The following CNTN6 variants were observed in gnomAD, a reference collection of about 807,000 sequenced individuals.
CNTN6 encodes contactin 6, also known as contactin-6.
Under a neutral mutation model 122.8 loss-of-function variants are expected in CNTN6, and 137 were observed. That is an observed-to-expected ratio of 1.12 (90% CI 0.97 to 1.29). CNTN6 has a LOEUF of 1.29. Ranked by LOEUF, CNTN6 falls within the 50% of genes most tolerant of loss-of-function variation. The pLI is 0.00. For synonymous variants in CNTN6, 570 were observed against 426.0 expected, an observed-to-expected ratio of 1.34 and a Z score of -4.16; for missense variants, 1,634 against 1,223.4, an observed-to-expected ratio of 1.34 and a Z score of -5.01.
intron 4 of CNTN6, among the ~76,000 whole-genome samples, chr3:1,271,597 C>A (rs969085935): frequency 6.6e-6 from 1 of 152,002 alleles, no homozygotes; most frequent in South Asian, 2.1e-4. Flanking sequence ...CATGCAGATA[C>A]AGGGAGAGAT....
rs79007620 is a variant in CNTN6, at chr3:1,174,972, C to T, written c.55+26909C>T. ...AATATCTTGGCAGAGTGTGGTGGGC[C>T]ATTCCTGTAATTCCAGCATTTTTGG... On this transcript the variant is annotated intron_variant, in intron 2 of 22. Coordinates refer to ENST00000446702, the MANE Select transcript of CNTN6 (RefSeq NM_001289080.2). Among the ~76,000 whole-genome samples, 1,444 of 152,122 alleles carry T rather than the reference C, an allele frequency of 9.5e-3. 9 individuals are homozygous for T. Among genetic ancestry groups the T allele is most frequent in the Admixed American group, 0.016 (246 of 15,268 alleles).
At chr3:1,245,587 C>T (rs537478094) in intron 4 of CNTN6, among the ~76,000 whole-genome samples, 5 of 150,438 alleles carry the variant, frequency 3.3e-5, no homozygotes, top group African/African-American at 1.2e-4. Context: ...GTACAGTGTA[C>T]GTGGCTCAGG....
At chr3:1,264,969 A>G (rs997586691) in intron 4 of CNTN6, among the ~76,000 whole-genome samples, 2 of 147,442 alleles carry the variant, frequency 1.4e-5, no homozygotes, top group African/African-American at 5.0e-5. Flanking sequence ...GGTATTTGTC[A>G]TTCTGTTGCT....
intron 4 of CNTN6, among the ~76,000 whole-genome samples, chr3:1,256,599 A>G (rs1298557537): frequency 2.0e-5 from 3 of 152,144 alleles, no homozygotes; most frequent in African/African-American, 7.2e-5. Flanking sequence ...TCTACATATA[A>G]ATGTTACTTG....
At chr3:1,291,687 C>T (rs1695353148) in intron 5 of CNTN6, among the ~76,000 whole-genome samples, 1 of 152,114 alleles carries the variant, frequency 6.6e-6, no homozygotes, top group Non-Finnish European at 1.5e-5. Context: ...GAAAAATTTA[C>T]TCTCTAGATG....
chr3:1,176,847 T>A (rs1466924293), intron 2 of CNTN6, among the ~76,000 whole-genome samples: 1 of 152,166 alleles, frequency 6.6e-6, no homozygotes, highest in Non-Finnish European at 1.5e-5. Flanking sequence ...CAAAATGTAC[T>A]ACACATGATC....
intron 1 of CNTN6, among the ~76,000 whole-genome samples, chr3:1,098,789 C>CATATATATATATATATATATATATAT (rs1169127167): frequency 1.6e-4 from 10 of 63,234 alleles, no homozygotes; most frequent in South Asian, 7.0e-4. Flanking sequence ...CACACACACA[C>CATATATATATATATATATATATATAT]ATATATATAT....
intron 1 of CNTN6, among the ~76,000 whole-genome samples, chr3:1,109,947 G>A (rs2091403639): frequency 6.6e-6 from 1 of 151,696 alleles, no homozygotes; most frequent in Admixed American, 6.6e-5. Flanking sequence ...TTTATAGCTG[G>A]GTCCCTACTG....
At chr3:1,371,943 C>G (rs1222045918) in intron 12 of CNTN6, among the ~76,000 whole-genome samples, 1 of 152,008 alleles carries the variant, frequency 6.6e-6, no homozygotes, top group Non-Finnish European at 1.5e-5. Flanking sequence ...GCATTTAGAG[C>G]TGTTACCAGT....
At chr3:1,121,149 T>C (rs1031898091) in intron 1 of CNTN6, among the ~76,000 whole-genome samples, 2 of 152,066 alleles carry the variant, frequency 1.3e-5, no homozygotes, top group African/African-American at 2.4e-5. Flanking sequence ...TTATTTTCTA[T>C]GTAACTCCCT....
intron 20 of CNTN6, among the ~76,000 whole-genome samples, chr3:1,395,007 A>T (rs1046693221): frequency 6.6e-6 from 1 of 152,044 alleles, no homozygotes; most frequent in Non-Finnish European, 1.5e-5. Flanking sequence ...TTCTTAACTA[A>T]ATCAAACAAG....
intron 20 of CNTN6, among the ~76,000 whole-genome samples, chr3:1,386,931 A>AAAAG (rs1560000136): frequency 1.3e-5 from 2 of 152,196 alleles, no homozygotes; most frequent in African/African-American, 4.8e-5. Context: ...TGTCATGTCC[A>AAAAG]AAAGAAGTTA....
intron 2 of CNTN6, among the ~76,000 whole-genome samples, chr3:1,201,548 A>T (rs1010389005): frequency 1.3e-5 from 2 of 152,184 alleles, no homozygotes; most frequent in African/African-American, 4.8e-5. Flanking sequence ...CCTGAACCTC[A>T]CAAGATTCGA....
At chr3:1,307,562 A>T (rs955743292) in intron 7 of CNTN6, among the ~76,000 whole-genome samples, 5 of 152,130 alleles carry the variant, frequency 3.3e-5, no homozygotes, top group African/African-American at 1.2e-4. Flanking sequence ...ATGTCTGATT[A>T]TTATAAAGTC....
intron 4 of CNTN6, among the ~76,000 whole-genome samples, chr3:1,275,244 C>T (rs934516465): frequency 2.6e-5 from 4 of 152,122 alleles, no homozygotes; most frequent in Admixed American, 6.6e-5. Flanking sequence ...TGGTATTCTT[C>T]CTAAATCTCA....
chr3:1,309,013 T>C (rs1165573564), intron 7 of CNTN6, among the ~76,000 whole-genome samples: 2 of 152,222 alleles, frequency 1.3e-5, no homozygotes, highest in Non-Finnish European at 2.9e-5. Flanking sequence ...TTAAGAATTC[T>C]TTGCATATTT....
chr3:1,328,988 A>G (rs1308815241), intron 10 of CNTN6, among the ~76,000 whole-genome samples: 1 of 151,628 alleles, frequency 6.6e-6, no homozygotes, highest in Non-Finnish European at 1.5e-5. Flanking sequence ...GCTAATAGCA[A>G]TAAAATATTT....
At chr3:1,241,222 G>T (rs2094479019) in intron 4 of CNTN6, among the ~76,000 whole-genome samples, 1 of 152,092 alleles carries the variant, frequency 6.6e-6, no homozygotes, top group Non-Finnish European at 1.5e-5. Context: ...CCTGGCCTGG[G>T]CTCAGAGGCC....
At chr3:1,124,719 C>T (rs1275206475) in intron 1 of CNTN6, among the ~76,000 whole-genome samples, 2 of 151,782 alleles carry the variant, frequency 1.3e-5, no homozygotes, top group Non-Finnish European at 2.9e-5. Context: ...ACATCCCTTC[C>T]GCTTCTTCAC....
Sources: gnomAD v4.1 joint callset for allele counts (sites outside exome capture counted in the v4.1 genomes callset) on GRCh38, gnomAD v4.1.1 for gene constraint, MANE v1.5 for transcripts, NCBI Gene and HGNC (gene_info 2026-07-23, HGNC 2026-07-21) for gene names.